Variants in CHRM3 observed in about 807,000 individuals in gnomAD.
CHRM3 encodes muscarinic acetylcholine receptor M3.
CHRM3 carries 11 observed loss-of-function variants against 41.8 expected under a neutral mutation model. That is an observed-to-expected ratio of 0.26 (90% confidence interval 0.17 to 0.44). CHRM3 has a LOEUF of 0.44. Among genes scored for constraint, CHRM3 ranks in the 20% least tolerant of loss-of-function variants. CHRM3 has a pLI of 1.00. For synonymous variants in CHRM3, 297 were observed against 301.4 expected, an observed-to-expected ratio of 0.99 and a Z score of 0.15; for missense variants, 571 against 745.4, an observed-to-expected ratio of 0.77 and a Z score of 2.72.
rs537089281 is a variant in CHRM3 at position 239,684,540 on chromosome 1, C to CA, written c.-147+6259dup. 9.6e-3 allele frequency among the ~76,000 whole-genome samples: 1,440 copies of CA among 150,756 alleles called. 26 individuals are homozygous for CA. The highest frequency in any genetic ancestry group is 0.033 in the African/African-American group (1,338 of 41,076). On this transcript the variant is annotated intron_variant, in intron 5 of 6. Transcript: ENST00000676153. ...GAAACCCCATCTCTACTAAAAAATG[C>CA]AAAAAAATTAGCCGGGCATGTTGGC... is the stretch of plus-strand genomic sequence containing the variant.
intron 2 of CHRM3, among the ~76,000 whole-genome samples, chr1:239,500,825 AG>A (rs1276502182): frequency 4.6e-5 from 7 of 152,214 alleles, no homozygotes; most frequent in African/African-American, 1.7e-4. Context: ...TTCACTTAAA[AG>A]ATACAGAAAC....
intron 1 of CHRM3, among the ~76,000 whole-genome samples, chr1:239,442,071 G>A (rs957821522): frequency 1.3e-5 from 2 of 152,008 alleles, no homozygotes; most frequent in African/African-American, 4.8e-5. Context: ...AAATGCTTCA[G>A]TTCCACAGCA....
chr1:239,822,630 T>C (rs1672146175), intron 5 of CHRM3, among the ~76,000 whole-genome samples: 1 of 152,204 alleles, frequency 6.6e-6, no homozygotes, highest in African/African-American at 2.4e-5. Flanking sequence ...AAGTTTCTAG[T>C]TATATTTAAA....
At chr1:239,502,648 C>A (rs976533895) in intron 2 of CHRM3, among the ~76,000 whole-genome samples, 3 of 152,162 alleles carry the variant, frequency 2.0e-5, no homozygotes, top group Non-Finnish European at 4.4e-5. Context: ...AAACTACAGA[C>A]CGATAACCTT....
intron 5 of CHRM3, among the ~76,000 whole-genome samples, chr1:239,767,242 T>G (rs1667303302): frequency 6.6e-6 from 1 of 152,152 alleles, no homozygotes. Flanking sequence ...TAAGATAAAT[T>G]AAAGTTAAAT....
In CHRM3 at chr1:239,482,931, AC is replaced by A. The variant is rs199529388; in HGVS notation, c.-520-9777del. On this transcript the variant is annotated intron_variant, in intron 1 of 6. Transcript: ENST00000676153. ...CTTTAATATTTTACTGTATTCTTAT[AC>A]TTCTAAAGCATTTTGCTCTCCCTCC... Among the ~76,000 whole-genome samples, 107 of 152,216 alleles carry A rather than the reference AC, an allele frequency of 7.0e-4. 4 individuals are homozygous for A. The East Asian group carries it at 0.018, about 25-fold the overall frequency.
intron 1 of CHRM3, among the ~76,000 whole-genome samples, chr1:239,447,445 A>G (rs1558231246): frequency 6.6e-6 from 1 of 152,196 alleles, no homozygotes. Flanking sequence ...AAGAAAATAA[A>G]TTGCATGTTT....
intron 1 of CHRM3, among the ~76,000 whole-genome samples, chr1:239,396,926 G>T (rs887773220): frequency 3.9e-5 from 6 of 152,140 alleles, no homozygotes; most frequent in African/African-American, 1.4e-4. Context: ...TGATTTAACT[G>T]CATAAAAACC....
chr1:239,454,738 G>A (rs1217943557), intron 1 of CHRM3, among the ~76,000 whole-genome samples: 1 of 152,112 alleles, frequency 6.6e-6, no homozygotes, highest in Non-Finnish European at 1.5e-5. Flanking sequence ...TGTTTGCAAG[G>A]AACAGGAGAG....
intron 6 of CHRM3, among the ~76,000 whole-genome samples, chr1:239,861,089 T>A (rs1338731718): frequency 6.6e-6 from 1 of 152,142 alleles, no homozygotes; most frequent in Non-Finnish European, 1.5e-5. Context: ...GTAACCTCTA[T>A]TATTAACATT....
Position 239,907,560 on chromosome 1 carries a change from T to A in CHRM3, c.109T>A (p.Phe37Ile), listed in dbSNP as rs1680070674. 1.2e-6 allele frequency: 2 copies of A among 1,614,160 alleles called. No individual in the cohort carries two copies. Among genetic ancestry groups the A allele is most frequent in the Non-Finnish European group, 1.7e-6 (2 of 1,180,040 alleles). Residue 37 changes from phenylalanine (F) to isoleucine (I), a missense_variant, in exon 7 of 7, where the codon TTC becomes ATC. By Grantham distance (21) the Phe-to-Ile change is conservative. Around this residue, in one of 5 missense-constraint regions of CHRM3, gnomAD observed 92 missense variants for 76.1 expected, o/e 1.21. Transcript: ENST00000676153. This position sits in a 1 kb window ranked among gnomAD's most constrained non-coding sequence, Gnocchi z 5.4. ...GCTGCCCCCGGGAACCGTCACTCAT[T>A]TCGGCAGCTACAATGTTTCTCGAGC... ...AGLPPGTVTH[F>I]GSYNVSRAAG...
At chr1:239,838,888 CTTTTATATACTCAGGGA>C (rs1270167533) in intron 6 of CHRM3, among the ~76,000 whole-genome samples, 8 of 152,094 alleles carry the variant, frequency 5.3e-5, no homozygotes, top group African/African-American at 1.9e-4. Context: ...GATAAATATG[CTTTTATATACTCAGGGA>C]AGAATCAAGA....
intron 1 of CHRM3, among the ~76,000 whole-genome samples, chr1:239,407,440 A>AGAGAGC (rs1240463600): frequency 3.3e-5 from 5 of 150,300 alleles, no homozygotes; most frequent in East Asian, 1.9e-4. Flanking sequence ...AGAGAGAGAG[A>AGAGAGC]GCGCTAAATT....
rs192625144 is a variant in CHRM3 at position 239,914,737 on chromosome 1, T to G, written c.*5513T>G. On this transcript the variant is annotated 3_prime_UTR_variant, in exon 7 of 7. Coordinates refer to ENST00000676153, the MANE Select transcript of CHRM3 (RefSeq NM_001375978.1). ...GGGCCTGGAGAGTTCATAAACATAG[T>G]TTTCTGTGCAAGTGAAGATCTGTAG... 26 of 167,140 alleles carry G rather than the reference T, an allele frequency of 1.6e-4. No individual in the cohort carries two copies. The East Asian group carries it at 5.0e-3, about 32-fold the overall frequency. The allele number at this position is 167,140 out of a possible 1,614,324, so 10.4% of individuals were successfully genotyped here.
At chr1:239,843,645 A>G (rs1485164526) in intron 6 of CHRM3, among the ~76,000 whole-genome samples, 2 of 152,070 alleles carry the variant, frequency 1.3e-5, no homozygotes, top group South Asian at 4.1e-4. Flanking sequence ...AAAATGAAGG[A>G]TTGAGATGAC....
intron 5 of CHRM3, among the ~76,000 whole-genome samples, chr1:239,768,390 T>C (rs1030478532): frequency 6.6e-6 from 1 of 152,170 alleles, no homozygotes; most frequent in African/African-American, 2.4e-5. Flanking sequence ...GTACCTAATA[T>C]ATGCCAGGTT....
Position 239,726,396 on chromosome 1 carries a change from A to G in CHRM3, c.-147+48108A>G, listed in dbSNP as rs577503706. 1.9e-4 allele frequency among the ~76,000 whole-genome samples: 29 copies of G among 152,010 alleles called. No individual in the cohort carries two copies. The South Asian group carries it at 5.8e-3, about 30-fold the overall frequency. ...TATGTTACAAAACTAGATTCTATTT[A>G]TTGATCATTTAGTTTTTTTTCCGCC... On this transcript the variant is annotated intron_variant, in intron 5 of 6. Coordinates refer to ENST00000676153, the MANE Select transcript of CHRM3 (RefSeq NM_001375978.1).
chr1:239,677,324 T>C (rs1658109108), intron 4 of CHRM3, among the ~76,000 whole-genome samples: 1 of 152,248 alleles, frequency 6.6e-6, no homozygotes, highest in African/African-American at 2.4e-5. Flanking sequence ...GATGAGTGAA[T>C]GTCAAATACT....
At chr1:239,665,095 T>C (rs1673641604) in intron 4 of CHRM3, among the ~76,000 whole-genome samples, 1 of 148,738 alleles carries the variant, frequency 6.7e-6, no homozygotes, top group African/African-American at 2.5e-5. Flanking sequence ...TTCTCCATCC[T>C]CTCTCTCTTG....
Sources: gnomAD v4.1 joint callset for allele counts (sites outside exome capture counted in the v4.1 genomes callset) on GRCh38, gnomAD v4.1.1 for gene constraint, gnomAD v4.1.1 regional missense constraint, Gnocchi (gnomAD v3.1) non-coding constraint, MANE v1.5 for transcripts, NCBI Gene and HGNC (gene_info 2026-07-23, HGNC 2026-07-21) for gene names.